HDAC11: variants seen among roughly 807,000 people sequenced by gnomAD.
HDAC11 encodes the protein histone deacetylase 11.
HDAC11 carries 23 observed loss-of-function variants against 41.1 expected under a neutral mutation model. The ratio of observed to expected loss-of-function variants is 0.56; its 90% CI spans 0.40 to 0.79. The LOEUF (loss-of-function observed/expected upper bound fraction) is 0.79. Among genes scored for constraint, HDAC11 ranks in the 30% least tolerant of loss-of-function variants. HDAC11 has a pLI of 0.00. For missense variants in HDAC11, 402 were observed against 477.3 expected (o/e 0.84, Z 1.47); for synonymous variants, 187 against 186.6 (o/e 1.00, Z -0.02).
At chr3:13,486,767 G>A (rs752307341) in intron 3 of HDAC11, among the ~76,000 whole-genome samples, 1 of 151,808 alleles carries the variant, frequency 6.6e-6, no homozygotes, top group Non-Finnish European at 1.5e-5. Context: ...TAGTAGAGAC[G>A]GAGTTTTCAC....
intron 4 of HDAC11, among the ~76,000 whole-genome samples, chr3:13,498,183 CTT>C (rs989155831): frequency 1.3e-5 from 2 of 152,310 alleles, no homozygotes; most frequent in Admixed American, 6.5e-5. Flanking sequence ...GTGAGCAAAA[CTT>C]TGCCTATTTT....
intron 3 of HDAC11, among the ~76,000 whole-genome samples, chr3:13,486,033 C>T (rs905118404): frequency 8.6e-5 from 13 of 151,918 alleles, no homozygotes; most frequent in Non-Finnish European, 1.0e-4. Flanking sequence ...TTTGGGAGAA[C>T]GAGGCGGGCG....
At chr3:13,499,489 A>T (rs529893294) in intron 5 of HDAC11, among the ~76,000 whole-genome samples, 1 of 152,254 alleles carries the variant, frequency 6.6e-6, no homozygotes, top group South Asian at 2.1e-4. Context: ...CCAGACTCTT[A>T]TTTGAGCTGG....
At chr3:13,497,965 C>T (rs1211323366) in intron 4 of HDAC11, among the ~76,000 whole-genome samples, 2 of 147,284 alleles carry the variant, frequency 1.4e-5, no homozygotes, top group African/African-American at 5.1e-5. Context: ...AAGTGATTCT[C>T]CTGCCTCAGC....
chr3:13,505,431 G>T lies in HDAC11; in HGVS notation c.*748G>T, dbSNP rs1259423328. The T allele has an allele frequency of 6.5e-6, 1 of 153,122 alleles. No individual in the cohort carries two copies. Among genetic ancestry groups the T allele is most frequent in the Non-Finnish European group, 1.5e-5 (1 of 68,764 alleles). 9.5% of individuals were successfully genotyped at this position (153,122 alleles called of 1,614,324 possible). A position where few individuals can be genotyped will look rare whatever the true frequency, so the allele number is the denominator to read the frequency against. ...TCTTGCCTGTTCAGTGCAAGGGGCA[G>T]GTTTTGGGGGGAGGAATTCTTAGCG... is the stretch of plus-strand genomic sequence containing the variant. On this transcript the variant is annotated 3_prime_UTR_variant, in exon 10 of 10. Coordinates refer to ENST00000295757, the MANE Select transcript of HDAC11 (RefSeq NM_024827.4).
At chr3:13,503,068 A>T in intron 8 of HDAC11, 88 bp downstream of exon 8, 1 of 944,896 alleles carries the variant, frequency 1.1e-6, no homozygotes, top group Non-Finnish European at 1.7e-6. Flanking sequence ...GGCCCTGCAG[A>T]AGCCACTGCA....
At chr3:13,488,441 C>T (rs1480970368) in intron 3 of HDAC11, among the ~76,000 whole-genome samples, 3 of 152,134 alleles carry the variant, frequency 2.0e-5, no homozygotes, top group East Asian at 1.9e-4. Flanking sequence ...CCCCAAGTCC[C>T]CTTGGTAATC....
Position 13,480,723 on chromosome 3 carries a change from G to A in HDAC11, c.2+374G>A, listed in dbSNP as rs1334393718. On this transcript the variant is annotated intron_variant, in intron 1 of 9. Transcript: ENST00000295757. The surrounding 1 kb of genome is among the most constrained non-coding windows in gnomAD (Gnocchi z 4.6). ...ACGACTGCCAGGGTGTGATGGGAAG[G>A]GTTAGCAGCGCAGCGGGGTCAGGGG... The A allele has an allele frequency of 4.1e-6, 2 of 490,572 alleles. No individual in the cohort carries two copies. Among genetic ancestry groups the A allele is most frequent in the African/African-American group, 2.0e-5 (1 of 50,756 alleles). 30.4% of individuals were successfully genotyped at this position (490,572 alleles called of 1,614,324 possible).
intron 4 of HDAC11, among the ~76,000 whole-genome samples, chr3:13,497,197 T>G (rs74683956): frequency 6.6e-6 from 1 of 151,880 alleles, no homozygotes; most frequent in African/African-American, 2.4e-5. Context: ...TTTTTTTTTT[T>G]GAGTAGAGTC....
intron 1 of HDAC11, 59 bp from the exon 2 acceptor site, chr3:13,481,187 G>A: frequency 3.8e-6 from 6 of 1,560,476 alleles, no homozygotes; most frequent in South Asian, 1.2e-5. Context: ...GGGCTCGGGA[G>A]GGAGCTGCTT....
At chr3:13,500,884 C>A in intron 6 of HDAC11, 95 bp downstream of exon 6, 1 of 970,648 alleles carries the variant, frequency 1.0e-6, no homozygotes, top group Non-Finnish European at 1.5e-6. Flanking sequence ...GAATTATAGA[C>A]AAGGGGCCTA....
chr3:13,500,775 A>G lies in HDAC11; in HGVS notation c.475A>G (p.Thr159Ala), dbSNP rs762250500. The G allele has an allele frequency of 6.3e-7, 1 of 1,576,148 alleles. No individual in the cohort carries two copies. Among genetic ancestry groups the G allele is most frequent in the Non-Finnish European group, 8.6e-7 (1 of 1,159,074 alleles). The change falls in exon 6 of 10, where the codon ACG (threonine) becomes GCG (alanine). Residue 159 changes from threonine to alanine, a missense_variant. Thr to Ala is a moderately conservative substitution (Grantham distance 58). Coordinates refer to ENST00000295757, the MANE Select transcript of HDAC11 (RefSeq NM_024827.4). ...GGGCTTCTGTGCCTATGCGGACATC[A>G]CGCTCGCCATCAAGGTGTGTCTATG... The part of the protein sequence containing the change: ...GGGFCAYADI[T>A]LAIKFLFERV...
intron 3 of HDAC11, among the ~76,000 whole-genome samples, chr3:13,494,570 C>T (rs1317553343): frequency 6.6e-6 from 1 of 152,230 alleles, no homozygotes; most frequent in East Asian, 1.9e-4. Flanking sequence ...ACTCCCACCC[C>T]TTCCCAGGCC....
intron 3 of HDAC11, among the ~76,000 whole-genome samples, chr3:13,487,012 G>A (rs1042581609): frequency 5.3e-5 from 8 of 152,152 alleles, no homozygotes; most frequent in Admixed American, 1.3e-4. Context: ...GCTCGTACAC[G>A]GTGCAGTTAG....
At chr3:13,487,952 G>A (rs923134977) in intron 3 of HDAC11, among the ~76,000 whole-genome samples, 4 of 151,958 alleles carry the variant, frequency 2.6e-5, no homozygotes, top group Non-Finnish European at 5.9e-5. Context: ...TTTAAATCAG[G>A]AGTCAGGAAA....
At chr3:13,494,672 T>C (rs1702013751) in intron 3 of HDAC11, among the ~76,000 whole-genome samples, 1 of 151,822 alleles carries the variant, frequency 6.6e-6, no homozygotes, top group African/African-American at 2.4e-5. Context: ...AGTGGGACCC[T>C]GCTCACTGCC....
chr3:13,481,135 G>C (rs1701295999), intron 1 of HDAC11, 111 bp from the exon 2 acceptor site: 5 of 1,155,634 alleles, frequency 4.3e-6, no homozygotes, highest in Non-Finnish European at 6.0e-6. Context: ...TGCGGCTGAG[G>C]GGCTAGTGGT....
chr3:13,501,150 G>A (rs1052965413), intron 6 of HDAC11, among the ~76,000 whole-genome samples: 13 of 152,206 alleles, frequency 8.5e-5, no homozygotes, highest in African/African-American at 3.1e-4. Context: ...ATAGCACCTG[G>A]CAGTTCTGCA....
chr3:13,495,521 C>G (rs976960012), intron 3 of HDAC11, among the ~76,000 whole-genome samples: 6 of 152,170 alleles, frequency 3.9e-5, no homozygotes, highest in African/African-American at 1.4e-4. Context: ...GCTCCTCTTA[C>G]CACCCCAGAC....
Sources: allele counts gnomAD v4.1 joint callset (sites outside exome capture counted in the v4.1 genomes callset), GRCh38; gene constraint gnomAD v4.1.1; non-coding constraint Gnocchi (gnomAD v3.1); transcripts MANE v1.5; gene names NCBI Gene and HGNC (gene_info 2026-07-23, HGNC 2026-07-21).